The following ALDH1A2 variants were observed in gnomAD, a reference collection of about 807,000 sequenced individuals.
ALDH1A2 encodes retinal dehydrogenase 2.
A neutral mutation model predicts 60.3 loss-of-function variants in ALDH1A2; 27 were observed. The observed-to-expected ratio is 0.45, with a 90% confidence interval of 0.33 to 0.62. The LOEUF (loss-of-function observed/expected upper bound fraction) is 0.62. Ranked by LOEUF, ALDH1A2 falls within the 20% of genes least tolerant of loss-of-function variation. The probability of loss-of-function intolerance (pLI) is 0.02; values close to 1 mark genes in which losing one functional copy is unlikely to be tolerated. For synonymous variants in ALDH1A2, 289 were observed against 232.4 expected (o/e 1.24, Z -2.21); for missense variants, 581 against 643.8 (o/e 0.90, Z 1.06).
At chr15:58,012,920 T>C (rs557256678) in intron 3 of ALDH1A2, among the ~76,000 whole-genome samples, 13 of 152,228 alleles carry the variant, frequency 8.5e-5, no homozygotes, top group South Asian at 2.1e-4. Context: ...TATTCATTGA[T>C]ACCAGGTGGA....
chr15:58,046,452 C>T (rs1438267122), intron 1 of ALDH1A2, among the ~76,000 whole-genome samples: 1 of 151,878 alleles, frequency 6.6e-6, no homozygotes, highest in African/African-American at 2.4e-5. Flanking sequence ...TCAAGAAATT[C>T]GTTAAAGATT....
chr15:57,987,945 G>A (rs1262996862), intron 7 of ALDH1A2, among the ~76,000 whole-genome samples: 6 of 149,914 alleles, frequency 4.0e-5, no homozygotes, highest in African/African-American at 4.9e-5. Context: ...CAAAAGCTGA[G>A]AGAAGTCATC....
rs1049763165 is a variant in ALDH1A2 at position 57,992,712 on chromosome 15, G to C, written c.791C>G (p.Ser264Cys). 5 of 1,613,932 alleles carry C rather than the reference G, an allele frequency of 3.1e-6. No homozygotes were observed. In the East Asian group the frequency reaches 1.1e-4, roughly 36 times the overall value. Residue 264 changes from serine (S) to cysteine (C), a missense_variant, in exon 7 of 13, where the codon TCT becomes TGT. Physicochemically the swap from Ser to Cys is moderately radical, Grantham distance 112. Around this residue, in one of 2 missense-constraint regions of ALDH1A2, gnomAD observed 375 missense variants for 469.7 expected, o/e 0.80. Coordinates refer to ENST00000249750, the MANE Select transcript of ALDH1A2 (RefSeq NM_003888.4). Reference sequence around the variant, plus strand: ...GGTTTTTCAGATACCTACCTCAGTAGACCCTGTGAATGCAATCTTGTCTAT... The same window carrying C: ...GGTTTTTCAGATACCTACCTCAGTACACCCTGTGAATGCAATCTTGTCTAT... ...IGIDKIAFTG[S>C]TEVGKLIQEA... is the part of the protein sequence containing the mutation.
At chr15:57,989,999 C>CAAA (rs1229267241) in intron 7 of ALDH1A2, among the ~76,000 whole-genome samples, 25 of 25,360 alleles carry the variant, frequency 9.9e-4, no homozygotes, top group South Asian at 2.1e-3. Context: ...GACTCCGTCT[C>CAAA]AAAAAAAAAA....
intron 7 of ALDH1A2, among the ~76,000 whole-genome samples, chr15:57,967,969 G>A (rs774153275): frequency 1.3e-5 from 2 of 152,142 alleles, no homozygotes; most frequent in Non-Finnish European, 2.9e-5. Flanking sequence ...TGACTGGTAA[G>A]GGGGAACTCA....
intron 1 of ALDH1A2, among the ~76,000 whole-genome samples, chr15:58,026,278 A>T (rs1330000534): frequency 1.3e-5 from 2 of 152,242 alleles, no homozygotes; most frequent in Non-Finnish European, 2.9e-5. Flanking sequence ...TTCAACATAC[A>T]CAAATCAGCA....
In ALDH1A2 at chr15:57,992,839, G is replaced by T. The variant is rs143106668; in HGVS notation, c.685-21C>A. 3.0e-5 allele frequency: 49 copies of T among 1,613,956 alleles called. No individual in the cohort carries two copies. The African/African-American group carries it at 5.3e-4, about 18-fold the overall frequency. On this transcript the variant is annotated intron_variant, in intron 6 of 12. Transcript: ENST00000249750. ...CCAGCCTAAGAAAACAGAACAGGAG[G>T]AAACGTGGCTGATGAAAGCTGATGC...
chr15:58,045,232 A>T (rs1257103901), intron 1 of ALDH1A2, among the ~76,000 whole-genome samples: 2 of 152,122 alleles, frequency 1.3e-5, no homozygotes, highest in East Asian at 1.9e-4. Flanking sequence ...ATCATTAAAA[A>T]GTCAGGAAAC....
intron 7 of ALDH1A2, among the ~76,000 whole-genome samples, chr15:57,966,047 T>C (rs1893886688): frequency 6.6e-6 from 1 of 152,194 alleles, no homozygotes; most frequent in African/African-American, 2.4e-5. Flanking sequence ...AGTTTCGTGA[T>C]GGAAGGACTA....
chr15:58,030,476 G>A (rs536342702), intron 1 of ALDH1A2, among the ~76,000 whole-genome samples: 1 of 152,070 alleles, frequency 6.6e-6, no homozygotes, highest in Admixed American at 6.5e-5. Flanking sequence ...TTGAAAACTG[G>A]CACAAGACAA....
At chr15:58,014,550 T>C in intron 1 of ALDH1A2, 1 of 509,716 alleles carries the variant, frequency 2.0e-6, no homozygotes, top group Non-Finnish European at 3.8e-6. Context: ...ATAGAGTGTC[T>C]CACATACATA....
chr15:58,045,516 T>C (rs577498225), intron 1 of ALDH1A2, among the ~76,000 whole-genome samples: 1 of 152,206 alleles, frequency 6.6e-6, no homozygotes, highest in East Asian at 1.9e-4. Flanking sequence ...AATGATAGAC[T>C]GGATAAAGAA....
At chr15:58,058,781 T>A (rs1464424754) in intron 1 of ALDH1A2, among the ~76,000 whole-genome samples, 1 of 152,184 alleles carries the variant, frequency 6.6e-6, no homozygotes, top group Non-Finnish European at 1.5e-5. Context: ...GGTAACTACT[T>A]CTGGAGGTAA....
chr15:57,985,254 G>C (rs569211220), intron 7 of ALDH1A2, among the ~76,000 whole-genome samples: 1 of 151,952 alleles, frequency 6.6e-6, no homozygotes, highest in African/African-American at 2.4e-5. Context: ...CTCCTGCTTC[G>C]AGTTGTTGAC....
intron 1 of ALDH1A2, chr15:58,036,771 T>C (rs1369856239): frequency 3.3e-5 from 5 of 151,732 alleles, no homozygotes; most frequent in Non-Finnish European, 7.4e-5. Context: ...CACTGTGATT[T>C]AGTGCCAAGA....
intron 1 of ALDH1A2, among the ~76,000 whole-genome samples, chr15:58,020,643 C>T (rs1197671119): frequency 6.6e-6 from 1 of 152,138 alleles, no homozygotes; most frequent in African/African-American, 2.4e-5. Flanking sequence ...CAGCTTGACC[C>T]ACCCTGCCAC....
intron 4 of ALDH1A2, among the ~76,000 whole-genome samples, chr15:57,997,018 C>T (rs1249566843): frequency 6.6e-6 from 1 of 151,856 alleles, no homozygotes. Context: ...AAGATTTTTC[C>T]CCAATCTGCT....
rs867599258 is a variant in ALDH1A2, at chr15:57,957,233, C to T, written c.1485-1964G>A. Among the ~76,000 whole-genome samples, 12 of 152,132 alleles carry T rather than the reference C, an allele frequency of 7.9e-5. 1 individual carries two copies. The highest frequency in any genetic ancestry group is 1.3e-4 in the Non-Finnish European group (9 of 68,032). On this transcript the variant is annotated intron_variant, in intron 12 of 12. Transcript: ENST00000249750. ...GGGATGCCAGCTGAGTCACTGTCATCCTCTTGGTGCCCAGTCATCTCTCCA... is the reference window on the plus strand; with the variant it reads ...GGGATGCCAGCTGAGTCACTGTCATTCTCTTGGTGCCCAGTCATCTCTCCA...
At chr15:58,055,996 T>C (rs1186416660) in intron 1 of ALDH1A2, among the ~76,000 whole-genome samples, 1 of 152,124 alleles carries the variant, frequency 6.6e-6, no homozygotes, top group Non-Finnish European at 1.5e-5. Context: ...CAATTTATCT[T>C]GACCCTTCAA....
Sources: allele counts gnomAD v4.1 joint callset (sites outside exome capture counted in the v4.1 genomes callset), GRCh38; gene constraint gnomAD v4.1.1; regional missense constraint gnomAD v4.1.1; transcripts MANE v1.5; gene names NCBI Gene and HGNC (gene_info 2026-07-23, HGNC 2026-07-21).